Variants in CACNB2 observed in about 807,000 individuals in gnomAD.
The protein encoded by CACNB2 is calcium voltage-gated channel auxiliary subunit beta 2.
A neutral mutation model predicts 73.3 loss-of-function variants in CACNB2; 42 were observed. The ratio of observed to expected loss-of-function variants is 0.57; its 90% CI spans 0.45 to 0.74. The LOEUF (loss-of-function observed/expected upper bound fraction) is 0.74. Among genes scored for constraint, CACNB2 ranks in the 30% least tolerant of loss-of-function variants. CACNB2 has a pLI of 0.00. For synonymous variants in CACNB2, 348 were observed against 310.3 expected (o/e 1.12, Z -1.28); for missense variants, 940 against 853.0 (o/e 1.10, Z -1.27).
Position 18,539,769 on chromosome 10 carries a change from T to A in CACNB2, c.*45T>A. 6.4e-7 allele frequency: 1 copy of A among 1,562,742 alleles called. No individual in the cohort carries two copies. Among genetic ancestry groups the A allele is most frequent in the South Asian group, 1.2e-5 (1 of 85,468 alleles). ...TTTTTTTTTTTTTTTTGAAGTCTTG[T>A]ATAACTAACAGCATCCCCAAAACAA... is the stretch of plus-strand genomic sequence containing the variant. On this transcript the variant is annotated 3_prime_UTR_variant, in exon 14 of 14. Coordinates refer to ENST00000324631, the MANE Select transcript of CACNB2 (RefSeq NM_201596.3).
chr10:18,238,776 G>A (rs1352763606), intron 2 of CACNB2, among the ~76,000 whole-genome samples: 1 of 152,156 alleles, frequency 6.6e-6, no homozygotes, highest in Non-Finnish European at 1.5e-5. Flanking sequence ...AAACAATGTG[G>A]AAAATTACTA....
rs533499102 is a variant in CACNB2, at chr10:18,176,962, C to T, written c.213+25987C>T. ...GAATTCCAGAACTTGTTAGTGATGG[C>T]AGTGAGAAAGCGTATAGAGGTGAGG... On this transcript the variant is annotated intron_variant, in intron 2 of 13. Coordinates refer to ENST00000324631, the MANE Select transcript of CACNB2 (RefSeq NM_201596.3). Among the ~76,000 whole-genome samples, 16 of 152,066 alleles carry T rather than the reference C, an allele frequency of 1.1e-4. No individual in the cohort carries two copies. In the South Asian group the frequency reaches 2.9e-3, roughly 28 times the overall value.
chr10:18,419,035 C>G (rs907947213), intron 3 of CACNB2, among the ~76,000 whole-genome samples: 2 of 152,190 alleles, frequency 1.3e-5, no homozygotes, highest in Admixed American at 1.3e-4. Context: ...GGTTAAGTTT[C>G]AAGATCCTTT....
At chr10:18,225,148 A>T (rs917748029) in intron 2 of CACNB2, among the ~76,000 whole-genome samples, 3 of 149,574 alleles carry the variant, frequency 2.0e-5, no homozygotes, top group East Asian at 3.9e-4. Flanking sequence ...TTTTTTTTTT[A>T]AAGTGATCTA....
intron 3 of CACNB2, among the ~76,000 whole-genome samples, chr10:18,475,523 T>C (rs1216496405): frequency 1.3e-5 from 2 of 152,174 alleles, no homozygotes; most frequent in East Asian, 1.9e-4. Context: ...GCATTTCTTA[T>C]TGTATTGCAG....
At chr10:18,315,527 A>AAACATTTTTTTTTTTTTTAATTAGCC (rs869039983) in intron 2 of CACNB2, among the ~76,000 whole-genome samples, 1 of 61,928 alleles carries the variant, frequency 1.6e-5, no homozygotes, top group Non-Finnish European at 4.4e-5. Context: ...AAAAAAAAAA[A>AAACATTTTTTTTTTTTTTAATTAGCC]ACTTTTTTTT....
At chr10:18,468,102 G>A (rs186782914) in intron 3 of CACNB2, among the ~76,000 whole-genome samples, 1 of 152,206 alleles carries the variant, frequency 6.6e-6, no homozygotes, top group Admixed American at 6.5e-5. Context: ...AGAAATAAAG[G>A]AAAGTAAGTA....
chr10:18,220,222 T>TAGAGAG (rs1564353733), intron 2 of CACNB2, among the ~76,000 whole-genome samples: 4 of 48,258 alleles, frequency 8.3e-5, no homozygotes, highest in Non-Finnish European at 9.7e-5. Flanking sequence ...TATATATATA[T>TAGAGAG]ATATATATAT....
intron 2 of CACNB2, among the ~76,000 whole-genome samples, chr10:18,245,890 G>A (rs2036840900): frequency 6.6e-6 from 1 of 152,138 alleles, no homozygotes; most frequent in South Asian, 2.1e-4. Context: ...TGTGCATAGT[G>A]CTTATATTAA....
chr10:18,176,409 T>C (rs1336216960), intron 2 of CACNB2, among the ~76,000 whole-genome samples: 1 of 152,132 alleles, frequency 6.6e-6, no homozygotes, highest in Non-Finnish European at 1.5e-5. Context: ...GAAAGTGCTC[T>C]AGGAGTTTAG....
chr10:18,285,515 G>C (rs2038748746), intron 2 of CACNB2, among the ~76,000 whole-genome samples: 1 of 152,174 alleles, frequency 6.6e-6, no homozygotes, highest in Non-Finnish European at 1.5e-5. Context: ...CTTGAATAAG[G>C]CTTCACATGG....
At chr10:18,388,021 T>C (rs964139076) in intron 2 of CACNB2, among the ~76,000 whole-genome samples, 3 of 152,162 alleles carry the variant, frequency 2.0e-5, no homozygotes, top group Non-Finnish European at 4.4e-5. Flanking sequence ...CCTCCCAATA[T>C]GCTGGGATTA....
At chr10:18,498,583 C>G in intron 4 of CACNB2, 106 bp downstream of exon 4, 1 of 1,112,954 alleles carries the variant, frequency 9.0e-7, no homozygotes, top group East Asian at 2.4e-5. Flanking sequence ...TTGCACATCG[C>G]TGCAGTTGTA....
intron 2 of CACNB2, among the ~76,000 whole-genome samples, chr10:18,316,448 C>CT (rs201701984): frequency 2.1e-3 from 279 of 135,366 alleles, no homozygotes; most frequent in African/African-American, 7.4e-3. Context: ...AAAGGTCTTT[C>CT]TTTTTTTCTT....
At chr10:18,387,010 C>T (rs914853129) in intron 2 of CACNB2, among the ~76,000 whole-genome samples, 5 of 152,146 alleles carry the variant, frequency 3.3e-5, no homozygotes, top group Non-Finnish European at 5.9e-5. Context: ...AACGCTCCAG[C>T]GTATAATCAC....
chr10:18,345,458 C>A (rs888508100), intron 2 of CACNB2, among the ~76,000 whole-genome samples: 1 of 152,128 alleles, frequency 6.6e-6, no homozygotes. Context: ...ATTAGGCTTC[C>A]TGCATTTAGA....
At chr10:18,283,798 C>A in intron 2 of CACNB2, among the ~76,000 whole-genome samples, 1 of 151,960 alleles carries the variant, frequency 6.6e-6, no homozygotes, top group East Asian at 1.9e-4. Flanking sequence ...TGCACATGTA[C>A]CCTAGAACTT....
intron 2 of CACNB2, among the ~76,000 whole-genome samples, chr10:18,281,790 C>A (rs1263857307): frequency 6.6e-6 from 1 of 151,826 alleles, no homozygotes; most frequent in Non-Finnish European, 1.5e-5. Context: ...ACCAGCCTGG[C>A]CAACATGGCA....
intron 2 of CACNB2, among the ~76,000 whole-genome samples, chr10:18,286,639 T>C (rs527856594): frequency 6.6e-6 from 1 of 151,958 alleles, no homozygotes; most frequent in East Asian, 1.9e-4. Context: ...CCATGTAAAT[T>C]GCAAAGCAAA....
Sources: allele counts gnomAD v4.1 joint callset (sites outside exome capture counted in the v4.1 genomes callset), GRCh38; gene constraint gnomAD v4.1.1; transcripts MANE v1.5; gene names NCBI Gene and HGNC (gene_info 2026-07-23, HGNC 2026-07-21).